Variants in ALK observed in about 807,000 individuals in gnomAD.
ALK encodes ALK receptor tyrosine kinase, also known as ALK tyrosine kinase receptor.
Under a neutral mutation model 163.1 loss-of-function variants are expected in ALK, and 74 were observed. That is an observed-to-expected ratio of 0.45 (90% confidence interval 0.38 to 0.55). The LOEUF is 0.55. Ranked by LOEUF, ALK falls within the 20% of genes least tolerant of loss-of-function variation. The pLI is 0.00. For missense variants in ALK, 2,063 were observed against 2,105.3 expected (o/e 0.98, Z 0.39); for synonymous variants, 960 against 843.2 (o/e 1.14, Z -2.40).
At chr2:29,354,101 G>A (rs1036906127) in intron 5 of ALK, among the ~76,000 whole-genome samples, 2 of 152,194 alleles carry the variant, frequency 1.3e-5, no homozygotes, top group East Asian at 3.8e-4. Context: ...AGTCTCATGT[G>A]CTGGCCATAA....
At chr2:29,292,677 G>A (rs1176974500) in intron 9 of ALK, among the ~76,000 whole-genome samples, 2 of 152,194 alleles carry the variant, frequency 1.3e-5, no homozygotes, top group Non-Finnish European at 2.9e-5. Flanking sequence ...AGAGGACATT[G>A]CCACTGCTCA....
At chr2:29,330,818 G>A (rs185590548) in intron 5 of ALK, among the ~76,000 whole-genome samples, 2 of 152,102 alleles carry the variant, frequency 1.3e-5, no homozygotes, top group Admixed American at 1.3e-4. Flanking sequence ...CAAGCCAAAG[G>A]GTGCTGGCAG....
intron 1 of ALK, among the ~76,000 whole-genome samples, chr2:29,775,921 G>A (rs1455921704): frequency 2.0e-5 from 3 of 152,144 alleles, no homozygotes; most frequent in Non-Finnish European, 4.4e-5. Flanking sequence ...ACATTCTTGA[G>A]CATTTTGAAA....
intron 11 of ALK, among the ~76,000 whole-genome samples, chr2:29,267,818 G>A (rs1434475647): frequency 1.3e-5 from 2 of 152,238 alleles, no homozygotes; most frequent in Non-Finnish European, 2.9e-5. Flanking sequence ...ATGCAGAGCT[G>A]TTTTACAGGC....
At chr2:29,487,215 A>G (rs1213225394) in intron 4 of ALK, among the ~76,000 whole-genome samples, 1 of 152,220 alleles carries the variant, frequency 6.6e-6, no homozygotes, top group African/African-American at 2.4e-5. Flanking sequence ...AGTATGGTCC[A>G]AAAGGGACTG....
intron 1 of ALK, among the ~76,000 whole-genome samples, chr2:29,734,913 T>G (rs1211041938): frequency 6.6e-6 from 1 of 152,186 alleles, no homozygotes; most frequent in Non-Finnish European, 1.5e-5. Flanking sequence ...TAGATAATCT[T>G]ATACATTCCT....
intron 3 of ALK, among the ~76,000 whole-genome samples, chr2:29,693,406 TACACACAC>T (rs58588313): frequency 1.5e-4 from 22 of 145,274 alleles, no homozygotes; most frequent in East Asian, 4.1e-4. Flanking sequence ...AGCACTCACC[TACACACAC>T]ACACACACAC....
chr2:29,327,353 C>A (rs1667297922), intron 6 of ALK, among the ~76,000 whole-genome samples: 1 of 152,136 alleles, frequency 6.6e-6, no homozygotes, highest in Non-Finnish European at 1.5e-5. Context: ...AGACTCAAAC[C>A]ACCCACAGAG....
chr2:29,687,349 T>C (rs2148283604), intron 3 of ALK, among the ~76,000 whole-genome samples: 1 of 152,024 alleles, frequency 6.6e-6, no homozygotes, highest in Middle Eastern at 3.4e-3. Flanking sequence ...CAATGTGCTG[T>C]CCCTAGGCAG....
intron 1 of ALK, among the ~76,000 whole-genome samples, chr2:29,828,032 T>C (rs145929388): frequency 0.015 from 2,353 of 152,304 alleles, 66 homozygotes; most frequent in African/African-American, 0.054. Context: ...AACTATCTGA[T>C]CTTTGACAAA....
chr2:29,799,835 C>T (rs1325928457), intron 1 of ALK, among the ~76,000 whole-genome samples: 2 of 152,108 alleles, frequency 1.3e-5, no homozygotes, highest in Non-Finnish European at 2.9e-5. Flanking sequence ...CATCAATAAA[C>T]CACATTTGGC....
chr2:29,437,458 T>C (rs1338328153), intron 4 of ALK, among the ~76,000 whole-genome samples: 1 of 152,178 alleles, frequency 6.6e-6, no homozygotes, highest in Non-Finnish European at 1.5e-5. Context: ...GAGATCTTGA[T>C]AAAATGAGAC....
chr2:29,555,499 T>G (rs1303312468), intron 3 of ALK, among the ~76,000 whole-genome samples: 4 of 152,168 alleles, frequency 2.6e-5, no homozygotes, highest in African/African-American at 9.7e-5. Context: ...AATCTGTGAG[T>G]ATTTGCTCTG....
At chr2:29,718,095 T>C (rs1052058745) in intron 1 of ALK, among the ~76,000 whole-genome samples, 1 of 152,224 alleles carries the variant, frequency 6.6e-6, no homozygotes, top group African/African-American at 2.4e-5. Context: ...TGTTCAGACT[T>C]GTAACTTCCT....
At chr2:29,489,982 C>G (rs1671862961) in intron 4 of ALK, among the ~76,000 whole-genome samples, 5 of 152,238 alleles carry the variant, frequency 3.3e-5, no homozygotes, top group Admixed American at 3.3e-4. Context: ...GGCCGGGACT[C>G]CAAACCTGGA....
At chr2:29,473,684 C>T (rs533054727) in intron 4 of ALK, among the ~76,000 whole-genome samples, 62 of 150,206 alleles carry the variant, frequency 4.1e-4, no homozygotes, top group African/African-American at 1.4e-3. Flanking sequence ...GCCTGGCCAA[C>T]ATGGCAAAGC....
At chr2:29,216,279 GA>G (rs1669603770) in intron 23 of ALK, among the ~76,000 whole-genome samples, 1 of 152,162 alleles carries the variant, frequency 6.6e-6, no homozygotes, top group Non-Finnish European at 1.5e-5. Context: ...ATGGAAGAGC[GA>G]AATATCTTTT....
rs1676623966 is a variant in ALK at position 29,639,005 on chromosome 2, G to C, written c.952+55845C>G. Among the ~76,000 whole-genome samples the C allele has an allele frequency of 3.3e-5, 5 of 152,140 alleles. No homozygotes were observed. In the South Asian group the frequency reaches 1.0e-3, roughly 32 times the overall value. On this transcript the variant is annotated intron_variant, in intron 3 of 28. Coordinates refer to ENST00000389048, the MANE Select transcript of ALK (RefSeq NM_004304.5). Reference sequence around the variant, plus strand: ...TGCCAGCTTTATTGAAAACAAATAGGGCTTCTACAGCAATACTGGGCACGT... The same window carrying C: ...TGCCAGCTTTATTGAAAACAAATAGCGCTTCTACAGCAATACTGGGCACGT...
At chr2:29,778,884 G>A (rs927758430) in intron 1 of ALK, among the ~76,000 whole-genome samples, 4 of 152,056 alleles carry the variant, frequency 2.6e-5, no homozygotes, top group Admixed American at 6.5e-5. Flanking sequence ...GGCCGGGTGC[G>A]GTGGCTCACG....
Sources: gnomAD v4.1 joint callset for allele counts (sites outside exome capture counted in the v4.1 genomes callset) on GRCh38, gnomAD v4.1.1 for gene constraint, MANE v1.5 for transcripts, NCBI Gene and HGNC (gene_info 2026-07-23, HGNC 2026-07-21) for gene names.